Variants in FAF1 observed in about 807,000 individuals in gnomAD.
FAF1 encodes FAS-associated factor 1.
A neutral mutation model predicts 92.5 loss-of-function variants in FAF1; 25 were observed. That is an observed-to-expected ratio of 0.27 (90% CI 0.20 to 0.38). The LOEUF (loss-of-function observed/expected upper bound fraction) is 0.38. FAF1 is among the 10% of genes least tolerant of loss of function. The pLI is 1.00. For synonymous variants in FAF1, 234 were observed against 273.2 expected, an observed-to-expected ratio of 0.86 and a Z score of 1.42; for missense variants, 636 against 793.3, an observed-to-expected ratio of 0.80 and a Z score of 2.38.
At chr1:50,799,859 A>G (rs1233322019) in intron 3 of FAF1, among the ~76,000 whole-genome samples, 1 of 152,186 alleles carries the variant, frequency 6.6e-6, no homozygotes, top group Non-Finnish European at 1.5e-5. Flanking sequence ...TTCAGTGTTC[A>G]GCTTATAAGA....
chr1:50,697,675 C>G (rs929469785), intron 7 of FAF1, among the ~76,000 whole-genome samples: 1 of 152,078 alleles, frequency 6.6e-6, no homozygotes, highest in Admixed American at 6.6e-5. Context: ...GCTGTAAAAC[C>G]CTAGAACAAT....
intron 2 of FAF1, among the ~76,000 whole-genome samples, chr1:50,828,573 A>G (rs942645043): frequency 2.0e-5 from 3 of 152,166 alleles, no homozygotes; most frequent in Non-Finnish European, 4.4e-5. Context: ...CCGGCCAAGA[A>G]GGGTCTTTTC....
rs74080043 is a variant in FAF1, at chr1:50,671,477, A to G, written c.658-15949T>C. Among the ~76,000 whole-genome samples, 1,175 of 152,338 alleles carry G rather than the reference A, an allele frequency of 7.7e-3. 13 individuals carry two copies. Among genetic ancestry groups the G allele is most frequent in the African/African-American group, 0.027 (1,135 of 41,584 alleles). On this transcript the variant is annotated intron_variant, in intron 7 of 18. Coordinates refer to ENST00000396153, the MANE Select transcript of FAF1 (RefSeq NM_007051.3). ...GCAACCTAGGATCTAATTTTCATCA[A>G]TCCATACATTCACAAAACGATTGCT...
intron 8 of FAF1, among the ~76,000 whole-genome samples, chr1:50,621,386 T>C (rs1653195922): frequency 6.9e-6 from 1 of 144,940 alleles, no homozygotes; most frequent in African/African-American, 2.7e-5. Context: ...GATCTTTCTT[T>C]TTTTCTTTTT....
intron 4 of FAF1, among the ~76,000 whole-genome samples, chr1:50,752,309 T>C (rs1263792027): frequency 1.3e-5 from 2 of 152,196 alleles, no homozygotes; most frequent in Non-Finnish European, 2.9e-5. Context: ...ATTCAATTTA[T>C]ATATTTGATG....
chr1:50,707,613 G>A (rs1454133468), intron 6 of FAF1, among the ~76,000 whole-genome samples: 1 of 151,804 alleles, frequency 6.6e-6, no homozygotes, highest in East Asian at 1.9e-4. Flanking sequence ...AGAATCACTT[G>A]AACCCAGAAG....
intron 8 of FAF1, among the ~76,000 whole-genome samples, chr1:50,627,552 C>T (rs564307440): frequency 2.0e-5 from 3 of 151,216 alleles, no homozygotes; most frequent in Non-Finnish European, 3.0e-5. Flanking sequence ...ATCTCATAAA[C>T]GGAAGGTTGG....
At chr1:50,835,809 T>C (rs1272160698) in intron 2 of FAF1, among the ~76,000 whole-genome samples, 1 of 152,150 alleles carries the variant, frequency 6.6e-6, no homozygotes, top group African/African-American at 2.4e-5. Flanking sequence ...AGTATAGTAA[T>C]TGTAGGATGG....
intron 1 of FAF1, among the ~76,000 whole-genome samples, chr1:50,891,630 C>T (rs1644720872): frequency 6.6e-6 from 1 of 152,198 alleles, no homozygotes; most frequent in Admixed American, 6.5e-5. Context: ...CCACTCCAGA[C>T]CCTGTATGCC....
chr1:50,528,042 A>ATTT (rs543352146), intron 15 of FAF1, among the ~76,000 whole-genome samples: 6 of 151,062 alleles, frequency 4.0e-5, no homozygotes, highest in Admixed American at 3.3e-4. Flanking sequence ...TTTTTTCCCT[A>ATTT]TTTTTTGTAG....
At chr1:50,912,349 A>G (rs1644891957) in intron 1 of FAF1, among the ~76,000 whole-genome samples, 1 of 152,200 alleles carries the variant, frequency 6.6e-6, no homozygotes, top group African/African-American at 2.4e-5. Flanking sequence ...TAGAAGTAGG[A>G]TTCTAGAATC....
intron 3 of FAF1, among the ~76,000 whole-genome samples, chr1:50,800,591 G>A (rs888260947): frequency 6.6e-6 from 1 of 152,098 alleles, no homozygotes; most frequent in Non-Finnish European, 1.5e-5. Flanking sequence ...AGGAACGGGG[G>A]TATAGGTCTA....
In FAF1 at chr1:50,900,351, A is replaced by G. The variant is rs1362075864; in HGVS notation, c.46-42354T>C. 2.0e-5 allele frequency among the ~76,000 whole-genome samples: 3 copies of G among 152,142 alleles called. No homozygotes were observed. The East Asian group carries it at 5.8e-4, about 29-fold the overall frequency. On this transcript the variant is annotated intron_variant, in intron 1 of 18. Transcript: ENST00000396153. ...ATTGCTTTCAATTTTGTTTCTCTTC[A>G]ATTATTCTAATCTTTGGGGAAATTA...
intron 18 of FAF1, among the ~76,000 whole-genome samples, chr1:50,468,465 T>C (rs1291778743): frequency 6.7e-6 from 1 of 149,452 alleles, no homozygotes; most frequent in Non-Finnish European, 1.5e-5. Context: ...GCTAATTTTT[T>C]TTTTTTTTTT....
chr1:50,551,413 G>C (rs2149046537), intron 13 of FAF1, among the ~76,000 whole-genome samples: 1 of 152,226 alleles, frequency 6.6e-6, no homozygotes, highest in South Asian at 2.1e-4. Context: ...ACAGTAAAAA[G>C]CTAAAATTAA....
At chr1:50,811,753 A>T (rs187714465) in intron 2 of FAF1, among the ~76,000 whole-genome samples, 61 of 152,286 alleles carry the variant, frequency 4.0e-4, no homozygotes, top group African/African-American at 1.1e-3. Flanking sequence ...AGTAGCCAAG[A>T]CAATCCTAAG....
chr1:50,623,203 A>G (rs1473465493), intron 8 of FAF1, among the ~76,000 whole-genome samples: 1 of 152,192 alleles, frequency 6.6e-6, no homozygotes. Flanking sequence ...GATTATATTC[A>G]TTCATTAAAA....
intron 4 of FAF1, among the ~76,000 whole-genome samples, chr1:50,767,083 A>C: frequency 6.6e-6 from 1 of 152,316 alleles, no homozygotes; most frequent in African/African-American, 2.4e-5. Context: ...CAATAAAATG[A>C]TTTGGGAGAT....
intron 4 of FAF1, among the ~76,000 whole-genome samples, chr1:50,765,815 G>A (rs182411862): frequency 4.1e-4 from 62 of 152,280 alleles, no homozygotes; most frequent in African/African-American, 1.5e-3. Context: ...ATAGGGCTAG[G>A]CATGGTGACT....
Sources: gnomAD v4.1 joint callset for allele counts (sites outside exome capture counted in the v4.1 genomes callset) on GRCh38, gnomAD v4.1.1 for gene constraint, MANE v1.5 for transcripts, NCBI Gene and HGNC (gene_info 2026-07-23, HGNC 2026-07-21) for gene names.